Variants in WASHC3 observed in about 807,000 individuals in gnomAD.
WASHC3 encodes WASH complex subunit 3, also known as WASH complex subunit CCDC53.
A neutral mutation model predicts 26.1 loss-of-function variants in WASHC3; 24 were observed. That is an observed-to-expected ratio of 0.92 (90% confidence interval 0.66 to 1.29). The LOEUF is 1.29. Among genes scored for constraint, WASHC3 ranks in the 50% most tolerant of loss-of-function variants. The pLI is 0.00. For synonymous variants in WASHC3, 77 were observed against 75.7 expected (o/e 1.02, Z -0.09); for missense variants, 214 against 229.6 (o/e 0.93, Z 0.44).
intron 6 of WASHC3, among the ~76,000 whole-genome samples, chr12:102,021,069 C>A (rs1876936492): frequency 6.6e-6 from 1 of 151,928 alleles, no homozygotes; most frequent in Non-Finnish European, 1.5e-5. Context: ...GCGACAAGAG[C>A]AAAATTCCAT....
intron 5 of WASHC3, among the ~76,000 whole-genome samples, chr12:102,034,015 T>C (rs1877546308): frequency 6.6e-6 from 1 of 152,142 alleles, no homozygotes; most frequent in Non-Finnish European, 1.5e-5. Context: ...AAATTAGGTA[T>C]TTTAATACAT....
At chr12:102,062,114 C>T (rs561688717), upstream of WASHC3, 11 of 614,296 alleles carry the variant, frequency 1.8e-5, no homozygotes, top group South Asian at 2.0e-4. Flanking sequence ...ACTAATCACT[C>T]GGCGGCTTCC....
rs183302163 is a variant in WASHC3 at position 102,047,405 on chromosome 12, T to C, written c.151-1286A>G. On this transcript the variant is annotated intron_variant, in intron 2 of 6. Coordinates refer to ENST00000240079, the MANE Select transcript of WASHC3 (RefSeq NM_016053.4). ...GATCACTTATTTTTAGTTTAGCATC[T>C]TGATATCGACAAAGACATAATCTAC... Among the ~76,000 whole-genome samples, 207 of 152,338 alleles carry C rather than the reference T, an allele frequency of 1.4e-3. 1 individual carries two copies. Among genetic ancestry groups the C allele is most frequent in the African/African-American group, 4.8e-3 (198 of 41,576 alleles).
At chr12:102,051,577 GCTT>G (rs1479794537) in intron 2 of WASHC3, among the ~76,000 whole-genome samples, 1 of 152,198 alleles carries the variant, frequency 6.6e-6, no homozygotes, top group African/African-American at 2.4e-5. Context: ...ACATAAGCAT[GCTT>G]CTTAATCAGA....
At chr12:102,058,849 A>C (rs1480669478) in intron 2 of WASHC3, among the ~76,000 whole-genome samples, 5 of 152,200 alleles carry the variant, frequency 3.3e-5, no homozygotes, top group Non-Finnish European at 7.4e-5. Flanking sequence ...ATATATACAC[A>C]ATGGAATACT....
rs900088703 is a variant in WASHC3 at position 102,023,592 on chromosome 12, T to G, written c.500+2382A>C. 2.0e-5 allele frequency among the ~76,000 whole-genome samples: 3 copies of G among 152,304 alleles called. No homozygotes were observed. In the East Asian group the frequency reaches 5.8e-4, roughly 29 times the overall value. On this transcript the variant is annotated intron_variant, in intron 6 of 6. Coordinates refer to ENST00000240079, the MANE Select transcript of WASHC3 (RefSeq NM_016053.4). ...TCCGTAACTTTTATGTAAACATGAT[T>G]CCAAAAGCATCATAATTCCTCTGTT...
chr12:102,055,976 C>T (rs1176901654), intron 2 of WASHC3, among the ~76,000 whole-genome samples: 4 of 152,208 alleles, frequency 2.6e-5, no homozygotes, highest in Non-Finnish European at 5.9e-5. Context: ...ACTCTACCTA[C>T]AAAGACATGA....
chr12:102,021,617 A>C (rs531049743), intron 6 of WASHC3, among the ~76,000 whole-genome samples: 1 of 152,350 alleles, frequency 6.6e-6, no homozygotes, highest in African/African-American at 2.4e-5. Flanking sequence ...TGGTAATTAC[A>C]TTAAATGGAG....
At chr12:102,047,275 G>A (rs568047066) in intron 2 of WASHC3, among the ~76,000 whole-genome samples, 1 of 152,274 alleles carries the variant, frequency 6.6e-6, no homozygotes, top group Non-Finnish European at 1.5e-5. Flanking sequence ...TTAAGATCCT[G>A]ACTATTAAGT....
At chr12:102,019,895 G>A (rs1038865284) in intron 6 of WASHC3, among the ~76,000 whole-genome samples, 3 of 152,162 alleles carry the variant, frequency 2.0e-5, no homozygotes, top group African/African-American at 7.2e-5. Context: ...CATACCAGAT[G>A]CTGTGCACAT....
intron 2 of WASHC3, among the ~76,000 whole-genome samples, chr12:102,059,272 T>G (rs1409162939): frequency 6.6e-6 from 1 of 152,210 alleles, no homozygotes; most frequent in Non-Finnish European, 1.5e-5. Context: ...CCACAATGTA[T>G]TCATATATCA....
Position 102,038,911 on chromosome 12 carries a change from T to C in WASHC3, c.435+957A>G, listed in dbSNP as rs944172248. 2.0e-5 allele frequency among the ~76,000 whole-genome samples: 3 copies of C among 152,016 alleles called. No individual in the cohort carries two copies. In the East Asian group the frequency reaches 5.8e-4, roughly 29 times the overall value. On this transcript the variant is annotated intron_variant, in intron 5 of 6. Coordinates refer to ENST00000240079, the MANE Select transcript of WASHC3 (RefSeq NM_016053.4). ...AAACTGTCCTTTAGTATTAGTATTG[T>C]GCTTCTTTTGCTTGATAATATAATT...
intron 6 of WASHC3, among the ~76,000 whole-genome samples, chr12:102,020,037 C>T (rs1876883651): frequency 6.6e-6 from 1 of 152,174 alleles, no homozygotes; most frequent in Non-Finnish European, 1.5e-5. Context: ...TGGCCAATCA[C>T]AGGAATCTAT....
chr12:102,062,030 G>T (rs1398259071), upstream of WASHC3: 3 of 1,378,376 alleles, frequency 2.2e-6, no homozygotes, highest in Non-Finnish European at 3.0e-6. Context: ...GCCCAACCCG[G>T]TAATCACGTC....
Position 102,034,651 on chromosome 12 carries a change from C to A in WASHC3, c.435+5217G>T, listed in dbSNP as rs557066202. 3.9e-5 allele frequency among the ~76,000 whole-genome samples: 6 copies of A among 152,042 alleles called. No homozygotes were observed. In the East Asian group the frequency reaches 9.6e-4, roughly 24 times the overall value. Reference sequence around the variant, plus strand: ...CGCTGAAATCAAAAGATTAAAACATCCTCAGTTAAAATTTTAAGACTAGAC... The same window carrying A: ...CGCTGAAATCAAAAGATTAAAACATACTCAGTTAAAATTTTAAGACTAGAC... On this transcript the variant is annotated intron_variant, in intron 5 of 6. Coordinates refer to ENST00000240079, the MANE Select transcript of WASHC3 (RefSeq NM_016053.4).
intron 4 of WASHC3, chr12:102,040,462 C>T (rs1257342015): frequency 6.6e-6 from 1 of 152,006 alleles, no homozygotes; most frequent in Non-Finnish European, 1.5e-5. Flanking sequence ...GTGGACATGG[C>T]TCTTCTAACT....
At chr12:102,028,775 TAAG>T (rs988950612) in intron 5 of WASHC3, among the ~76,000 whole-genome samples, 1 of 149,992 alleles carries the variant, frequency 6.7e-6, no homozygotes, top group Non-Finnish European at 1.5e-5. Flanking sequence ...ATAAGAATAA[TAAG>T]AATTATATAA....
intron 2 of WASHC3, among the ~76,000 whole-genome samples, chr12:102,056,008 GGTCA>G (rs1465650410): frequency 1.3e-5 from 2 of 152,098 alleles, no homozygotes; most frequent in African/African-American, 4.8e-5. Context: ...TCTTCAAGCA[GGTCA>G]GTTTTAGGAG....
At chr12:102,014,770 T>C (rs1876627641) in intron 6 of WASHC3, among the ~76,000 whole-genome samples, 1 of 152,340 alleles carries the variant, frequency 6.6e-6, no homozygotes, top group African/African-American at 2.4e-5. Context: ...GGGACCATCA[T>C]CTTCCTCCCT....
Sources: allele counts gnomAD v4.1 joint callset (sites outside exome capture counted in the v4.1 genomes callset), GRCh38; gene constraint gnomAD v4.1.1; transcripts MANE v1.5; gene names NCBI Gene and HGNC (gene_info 2026-07-23, HGNC 2026-07-21).